ATXN10: variants seen among roughly 807,000 people sequenced by gnomAD.
The protein encoded by ATXN10 is ataxin-10.
A neutral mutation model predicts 52.9 loss-of-function variants in ATXN10; 28 were observed. The ratio of observed to expected loss-of-function variants is 0.53; its 90% confidence interval spans 0.39 to 0.73. The LOEUF is 0.73. Among genes scored for constraint, ATXN10 ranks in the 30% least tolerant of loss-of-function variants. The probability of loss-of-function intolerance (pLI) is 0.00; values close to 1 mark genes in which losing one functional copy is unlikely to be tolerated. For synonymous variants in ATXN10, 226 were observed against 221.5 expected (o/e 1.02, Z -0.18); for missense variants, 565 against 577.0 (o/e 0.98, Z 0.21).
At chr22:45,830,080 A>T (rs1158165421) in intron 10 of ATXN10, among the ~76,000 whole-genome samples, 6 of 152,244 alleles carry the variant, frequency 3.9e-5, no homozygotes, top group African/African-American at 1.4e-4. Flanking sequence ...ATGTAGTCAA[A>T]TGATTGCTGA....
At chr22:45,713,111 G>A (rs767592962) in intron 5 of ATXN10, among the ~76,000 whole-genome samples, 11 of 151,720 alleles carry the variant, frequency 7.3e-5, no homozygotes, top group Admixed American at 6.6e-5. Context: ...GAAACCCCCC[G>A]TCTTTAGGAC....
intron 9 of ATXN10, among the ~76,000 whole-genome samples, chr22:45,741,024 G>C (rs1157777763): frequency 2.0e-5 from 3 of 152,116 alleles, no homozygotes; most frequent in Non-Finnish European, 4.4e-5. Context: ...GTGCAGAAGA[G>C]CTTAAAGGTA....
chr22:45,728,386 G>A lies in ATXN10; in HGVS notation c.729-1039G>A, dbSNP rs191347843. Among the ~76,000 whole-genome samples, 18 of 152,258 alleles carry A rather than the reference G, an allele frequency of 1.2e-4. No individual in the cohort carries two copies. In the East Asian group the frequency reaches 3.1e-3, roughly 26 times the overall value. On this transcript the variant is annotated intron_variant, in intron 6 of 11. Coordinates refer to ENST00000252934, the MANE Select transcript of ATXN10 (RefSeq NM_013236.4). The surrounding 1 kb of genome is among the most constrained non-coding windows in gnomAD (Gnocchi z 4.3). ...TAATTATTGTCACAAGAAATCTGAC[G>A]TTTTAGGAGTTTTGAGAATTGCTAA... is the stretch of plus-strand genomic sequence containing the variant.
intron 9 of ATXN10, chr22:45,792,933 T>C (rs1927567329): frequency 2.5e-6 from 1 of 395,610 alleles, no homozygotes; most frequent in South Asian, 2.3e-5. Context: ...CACATGAAGA[T>C]CATAGATAAG....
rs1288447571 is a variant in ATXN10, at chr22:45,750,178, C to G, written c.1173+9640C>G. Among the ~76,000 whole-genome samples the G allele has an allele frequency of 1.3e-5, 2 of 152,136 alleles. No individual in the cohort carries two copies. Among genetic ancestry groups the G allele is most frequent in the African/African-American group, 4.8e-5 (2 of 41,406 alleles). On this transcript the variant is annotated intron_variant, in intron 9 of 11. Coordinates refer to ENST00000252934, the MANE Select transcript of ATXN10 (RefSeq NM_013236.4). This position sits in a 1 kb window ranked among gnomAD's most constrained non-coding sequence, Gnocchi z 4.2. ...AGTGCAGTGGTGTGATCACAGCTCACCGCAGTTCTGTGCTCAAGTGATCCT... is the reference window on the plus strand; with the variant it reads ...AGTGCAGTGGTGTGATCACAGCTCAGCGCAGTTCTGTGCTCAAGTGATCCT...
chr22:45,722,477 T>G (rs1924692568), intron 6 of ATXN10, among the ~76,000 whole-genome samples: 1 of 152,244 alleles, frequency 6.6e-6, no homozygotes, highest in Admixed American at 6.5e-5. Flanking sequence ...TTTTATATTT[T>G]AAAGATTCAT....
chr22:45,792,805 G>T (rs370389341), intron 9 of ATXN10: 4 of 528,488 alleles, frequency 7.6e-6, no homozygotes, highest in Non-Finnish European at 1.5e-5. Flanking sequence ...ACATCATTCT[G>T]TACTTTGAAT....
At position 45,787,897 on chromosome 22, in the gene ATXN10, A is replaced by G. The variant is rs1360442668; in HGVS notation, c.1174-19062A>G. On this transcript the variant is annotated intron_variant, in intron 9 of 11. Transcript: ENST00000252934. The surrounding 1 kb of genome is among the most constrained non-coding windows in gnomAD (Gnocchi z 4.2). ...TTTTTCCAGGAACAAAAATATTCAT[A>G]TCATTTACAAATTAATCTATCAGGA... is the stretch of plus-strand genomic sequence containing the variant. 1.3e-5 allele frequency among the ~76,000 whole-genome samples: 2 copies of G among 152,230 alleles called. No homozygotes were observed. The highest frequency in any genetic ancestry group is 2.9e-5 in the Non-Finnish European group (2 of 68,032).
At chr22:45,747,126 T>C (rs571301869) in intron 9 of ATXN10, among the ~76,000 whole-genome samples, 1 of 152,312 alleles carries the variant, frequency 6.6e-6, no homozygotes, top group South Asian at 2.1e-4. Flanking sequence ...TAATTCACTC[T>C]CTTTCCCAGA....
At chr22:45,674,693 G>A (rs1305262824) in intron 1 of ATXN10, 1 of 152,284 alleles carries the variant, frequency 6.6e-6, no homozygotes, top group East Asian at 1.9e-4. Flanking sequence ...CAAAAAGCCA[G>A]GCAAAATGAG....
intron 10 of ATXN10, among the ~76,000 whole-genome samples, chr22:45,830,510 C>A (rs1348103119): frequency 6.6e-6 from 1 of 151,934 alleles, no homozygotes; most frequent in East Asian, 1.9e-4. Context: ...TAAAACTTAA[C>A]AATAAAACAA....
At chr22:45,822,964 A>G (rs372274296) in intron 10 of ATXN10, among the ~76,000 whole-genome samples, 5 of 152,302 alleles carry the variant, frequency 3.3e-5, no homozygotes, top group East Asian at 1.9e-4. Flanking sequence ...TATATCCAGG[A>G]TAAAAATTAT....
chr22:45,721,832 T>C (rs1292717518), intron 6 of ATXN10, among the ~76,000 whole-genome samples: 1 of 152,172 alleles, frequency 6.6e-6, no homozygotes, highest in Non-Finnish European at 1.5e-5. Context: ...GGAGAATCAC[T>C]TTAACTTGGG....
intron 10 of ATXN10, among the ~76,000 whole-genome samples, chr22:45,815,247 C>T (rs946364437): frequency 6.6e-6 from 1 of 152,176 alleles, no homozygotes; most frequent in African/African-American, 2.4e-5. Context: ...AGACCATGTA[C>T]TGTACAGTTC....
rs866731175 is a variant in ATXN10, at chr22:45,763,438, G to A, written c.1173+22900G>A. Reference sequence around the variant, plus strand: ...CCTCGCTCGCTTTGCCAGGAGACAGGCGGCTCCTTGCCTGAGCCTCTGTGC... The same window carrying A: ...CCTCGCTCGCTTTGCCAGGAGACAGACGGCTCCTTGCCTGAGCCTCTGTGC... On this transcript the variant is annotated intron_variant, in intron 9 of 11. Transcript: ENST00000252934. This position sits in a 1 kb window ranked among gnomAD's most constrained non-coding sequence, Gnocchi z 6.9. 1.4e-4 allele frequency among the ~76,000 whole-genome samples: 21 copies of A among 152,218 alleles called. No individual in the cohort carries two copies. Among genetic ancestry groups the A allele is most frequent in the Admixed American group, 5.2e-4 (8 of 15,290 alleles).
At chr22:45,810,016 T>C (rs1207838744) in intron 10 of ATXN10, among the ~76,000 whole-genome samples, 1 of 152,198 alleles carries the variant, frequency 6.6e-6, no homozygotes, top group African/African-American at 2.4e-5. Flanking sequence ...GTTATGATGA[T>C]AATAATATAT....
At chr22:45,699,622 G>C (rs1923761031) in intron 3 of ATXN10, among the ~76,000 whole-genome samples, 1 of 149,266 alleles carries the variant, frequency 6.7e-6, no homozygotes, top group Non-Finnish European at 1.5e-5. Flanking sequence ...CTCCTAAGTA[G>C]CTGGGATTAC....
At chr22:45,771,717 T>C (rs1021049994) in intron 9 of ATXN10, among the ~76,000 whole-genome samples, 1 of 152,154 alleles carries the variant, frequency 6.6e-6, no homozygotes, top group Admixed American at 6.5e-5. Context: ...GTGCCCGGCC[T>C]GAGTCTTTGG....
chr22:45,742,124 C>T lies in ATXN10; in HGVS notation c.1173+1586C>T, dbSNP rs139933832. 4.0e-3 allele frequency among the ~76,000 whole-genome samples: 602 copies of T among 151,994 alleles called. 2 individuals carry two copies. The highest frequency in any genetic ancestry group is 0.014 in the African/African-American group (583 of 41,416). On this transcript the variant is annotated intron_variant, in intron 9 of 11. Coordinates refer to ENST00000252934, the MANE Select transcript of ATXN10 (RefSeq NM_013236.4). ...AAGTCATTGTATTGAGATTTGAGCT[C>T]CCACCCTAGAGTTTATAGTATTAAG...
Sources: allele counts gnomAD v4.1 joint callset (sites outside exome capture counted in the v4.1 genomes callset), GRCh38; gene constraint gnomAD v4.1.1; non-coding constraint Gnocchi (gnomAD v3.1); transcripts MANE v1.5; gene names NCBI Gene and HGNC (gene_info 2026-07-23, HGNC 2026-07-21).